CDYL: variants seen among roughly 807,000 people sequenced by gnomAD.
The protein encoded by CDYL is chromodomain Y like, also known as chromodomain Y-like protein.
CDYL carries 8 observed loss-of-function variants against 47.3 expected under a neutral mutation model. The ratio of observed to expected loss-of-function variants is 0.17; its 90% CI spans 0.10 to 0.31. CDYL has a LOEUF of 0.31. Ranked by LOEUF, CDYL falls within the 10% of genes least tolerant of loss-of-function variation. The pLI is 1.00. For missense variants in CDYL, 471 were observed against 701.4 expected, an observed-to-expected ratio of 0.67 and a Z score of 3.71; for synonymous variants, 266 against 265.0, an observed-to-expected ratio of 1.00 and a Z score of -0.04.
At chr6:4,787,192 A>T (rs1212974962) in intron 1 of CDYL, among the ~76,000 whole-genome samples, 1 of 152,200 alleles carries the variant, frequency 6.6e-6, no homozygotes, top group Admixed American at 6.5e-5. Context: ...AACTTAAAGC[A>T]AGAGGCGAGT....
intron 3 of CDYL, among the ~76,000 whole-genome samples, chr6:4,767,964 T>C (rs531908590): frequency 6.6e-6 from 1 of 152,204 alleles, no homozygotes; most frequent in Non-Finnish European, 1.5e-5. Flanking sequence ...GCCAAACTTT[T>C]AAAAAATATA....
intron 2 of CDYL, among the ~76,000 whole-genome samples, chr6:4,902,063 G>T (rs1310306370): frequency 6.6e-6 from 1 of 152,128 alleles, no homozygotes; most frequent in Non-Finnish European, 1.5e-5. Flanking sequence ...GGAAGGGGAT[G>T]AGAGGATACC....
chr6:4,888,244 G>A (rs1288094777), intron 1 of CDYL, among the ~76,000 whole-genome samples: 1 of 152,082 alleles, frequency 6.6e-6, no homozygotes. Context: ...AGTTTATGAA[G>A]AACAGGTATT....
chr6:4,937,251 T>A (rs1758223210), intron 3 of CDYL, among the ~76,000 whole-genome samples: 1 of 152,088 alleles, frequency 6.6e-6, no homozygotes. Context: ...CCCAGCTACT[T>A]GGGAGGCTGA....
chr6:4,764,869 AT>A (rs1399511977), intron 3 of CDYL, among the ~76,000 whole-genome samples: 1 of 152,248 alleles, frequency 6.6e-6, no homozygotes, highest in Non-Finnish European at 1.5e-5. Flanking sequence ...ACACATATAT[AT>A]AATAGAGAGA....
intron 1 of CDYL, among the ~76,000 whole-genome samples, chr6:4,802,584 G>A (rs1236351872): frequency 6.6e-6 from 1 of 152,112 alleles, no homozygotes; most frequent in South Asian, 2.1e-4. Flanking sequence ...GTGAGTGTTT[G>A]TGTGACCTCT....
intron 3 of CDYL, among the ~76,000 whole-genome samples, chr6:4,748,656 G>GACAC (rs111349102): frequency 0.041 from 5,923 of 146,072 alleles, 303 homozygotes; most frequent in African/African-American, 0.12. Flanking sequence ...TGATGGCAAA[G>GACAC]ACACACACAC....
intron 1 of CDYL, among the ~76,000 whole-genome samples, chr6:4,849,762 A>G (rs1428819357): frequency 1.3e-5 from 2 of 152,054 alleles, no homozygotes; most frequent in Non-Finnish European, 2.9e-5. Context: ...GTTAAGTGCC[A>G]GGCACTTAAA....
At chr6:4,943,787 A>AT in intron 5 of CDYL, 31 bp downstream of exon 5, 1 of 1,410,858 alleles carries the variant, frequency 7.1e-7, no homozygotes, top group African/African-American at 1.4e-5. Flanking sequence ...AAAAAAAAAA[A>AT]GTCATTCTAG....
At chr6:4,787,617 G>A (rs1758789527) in intron 1 of CDYL, among the ~76,000 whole-genome samples, 1 of 152,080 alleles carries the variant, frequency 6.6e-6, no homozygotes, top group South Asian at 2.1e-4. Context: ...GGAACCTAAC[G>A]AAAGTCAACA....
At chr6:4,786,709 A>T (rs1272327861) in intron 1 of CDYL, among the ~76,000 whole-genome samples, 7 of 152,078 alleles carry the variant, frequency 4.6e-5, no homozygotes, top group African/African-American at 1.7e-4. Context: ...TTGTGGGAGC[A>T]TTTGTAGGGT....
intron 1 of CDYL, among the ~76,000 whole-genome samples, chr6:4,797,418 T>A (rs575395930): frequency 2.0e-5 from 3 of 151,106 alleles, no homozygotes; most frequent in African/African-American, 7.4e-5. Flanking sequence ...TTTTCTTTTC[T>A]TTTCATTTCT....
intron 1 of CDYL, among the ~76,000 whole-genome samples, chr6:4,858,804 C>T (rs1414630527): frequency 6.6e-6 from 1 of 152,182 alleles, no homozygotes; most frequent in African/African-American, 2.4e-5. Flanking sequence ...AGTGACTTAA[C>T]CTCTGTGCCC....
intron 1 of CDYL, among the ~76,000 whole-genome samples, chr6:4,859,430 G>T (rs808610): frequency 0.022 from 3,395 of 152,220 alleles, 124 homozygotes; most frequent in African/African-American, 0.077. Context: ...CACAGAAGAA[G>T]AAGTGGATGG....
intron 5 of CDYL, 91 bp downstream of exon 5, chr6:4,943,847 C>G (rs1295545619): frequency 1.7e-5 from 16 of 966,822 alleles, no homozygotes; most frequent in Non-Finnish European, 2.4e-5. Context: ...TAAAGCTGTA[C>G]AGTGTGTCAT....
chr6:4,764,719 A>T (rs928134860), intron 3 of CDYL, among the ~76,000 whole-genome samples: 2 of 152,252 alleles, frequency 1.3e-5, no homozygotes, highest in Admixed American at 6.5e-5. Context: ...AACATAGTTT[A>T]AAAATATGCA....
intron 1 of CDYL, among the ~76,000 whole-genome samples, chr6:4,788,809 G>A (rs1758835883): frequency 6.6e-6 from 1 of 151,676 alleles, no homozygotes; most frequent in African/African-American, 2.4e-5. Context: ...TCTGCCTGTC[G>A]AACAGCCAGC....
chr6:4,918,565 G>A (rs1363387475), intron 2 of CDYL, among the ~76,000 whole-genome samples: 3 of 152,130 alleles, frequency 2.0e-5, no homozygotes, highest in Non-Finnish European at 4.4e-5. Flanking sequence ...TTGATATTGC[G>A]TAGTAATTTC....
In CDYL at chr6:4,895,403, A is replaced by ACATATATGTGCATATATG. The variant is rs1561693853; in HGVS notation, c.691+3027_691+3028insATATGTGCATATATGCAT. Among the ~76,000 whole-genome samples, 14 of 2,346 alleles carry ACATATATGTGCATATATG rather than the reference A, an allele frequency of 6.0e-3. 7 individuals are homozygous for ACATATATGTGCATATATG. The highest frequency in any genetic ancestry group is 6.1e-3 in the African/African-American group (14 of 2,314). 1.5% of individuals were successfully genotyped at this position (2,346 alleles called of 152,430 possible). A position where few individuals can be genotyped will look rare whatever the true frequency, so the allele number is the denominator to read the frequency against. ...TATATATGTGCATATATGCATGTAT[A>ACATATATGTGCATATATG]CATGTATACGTATATATGCATGTAT... On this transcript the variant is annotated intron_variant, in intron 2 of 6. Transcript: ENST00000397588.
Sources: allele counts gnomAD v4.1 joint callset (sites outside exome capture counted in the v4.1 genomes callset), GRCh38; gene constraint gnomAD v4.1.1; transcripts MANE v1.5; gene names NCBI Gene and HGNC (gene_info 2026-07-23, HGNC 2026-07-21).